Variants in TOR4A observed in about 807,000 individuals in gnomAD.
The protein encoded by TOR4A is torsin-4A.
A neutral mutation model predicts 11.5 loss-of-function variants in TOR4A; 12 were observed. The ratio of observed to expected loss-of-function variants is 1.04; its 90% CI spans 0.67 to 1.69. The LOEUF (loss-of-function observed/expected upper bound fraction) is 1.69, where lower values mean the gene tolerates loss of function less well. Among genes scored for constraint, TOR4A ranks in the 40% most tolerant of loss-of-function variants. The pLI is 0.00. For missense variants in TOR4A, 640 were observed against 643.2 expected, an observed-to-expected ratio of 0.99 and a Z score of 0.05; for synonymous variants, 362 against 307.4, an observed-to-expected ratio of 1.18 and a Z score of -1.86.
rs1830674002 is a variant in TOR4A, at chr9:137,278,645, C to T, written c.-37-8C>T. The T allele has an allele frequency of 2.3e-6, 3 of 1,281,144 alleles. No individual in the cohort carries two copies. The African/African-American group carries it at 4.7e-5, about 20-fold the overall frequency. 79.4% of individuals were successfully genotyped at this position (1,281,144 alleles called of 1,614,324 possible). On this transcript the variant is annotated splice_region_variant and splice_polypyrimidine_tract_variant and intron_variant, in intron 1 of 1. Transcript: ENST00000357503. ...AGTCCAGAGACCCTCCCCGTCTTCC[C>T]GTTGCAGGGAGGGCGACCTGTATGC...
Position 137,279,643 on chromosome 9 carries a change from G to T in TOR4A, c.954G>T (p.Ala318=), listed in dbSNP as rs747370960. The stretch of plus-strand genomic sequence containing the variant: ...TCGTGCTGCAGAACGCGTCCCGCGC[G>T]CTGCCCCTGCGCCCCGACGGCTTCC... ...TRFVLQNASR[A]LPLRPDGFRS... is the part of the protein sequence containing the mutation. The change falls in exon 2 of 2, where the codon GCG becomes GCT. Residue 318 remains alanine (A), a synonymous_variant. Transcript: ENST00000357503. 9 of 1,560,796 alleles carry T rather than the reference G, an allele frequency of 5.8e-6. No homozygotes were observed. The Admixed American group carries it at 1.3e-4, about 22-fold the overall frequency.
In TOR4A at chr9:137,278,713, G is replaced by T. The variant is rs1341419624; in HGVS notation, c.24G>T (p.Leu8=). The stretch of plus-strand genomic sequence containing the variant: ...ACATGGACCGCGGCCAGCCCAGCCT[G>T]GAGCCTGCTGCCGCGGCCCCCCGAG... MDRGQPS[L]EPAAAAPRAS... The change falls in exon 2 of 2, where the codon CTG becomes CTT. Residue 8 remains leucine (L), a synonymous_variant. Transcript: ENST00000357503. The T allele has an allele frequency of 9.4e-6, 13 of 1,377,346 alleles. No individual in the cohort carries two copies. Among genetic ancestry groups the T allele is most frequent in the Non-Finnish European group, 1.1e-5 (12 of 1,072,680 alleles). The allele number at this position is 1,377,346 out of a possible 1,614,324, so 85.3% of individuals were successfully genotyped here. A position where few individuals can be genotyped will look rare whatever the true frequency, so the allele number is the denominator to read the frequency against.
In TOR4A at chr9:137,279,367, G is replaced by T; in HGVS notation, c.678G>T (p.Ala226=). 2.6e-6 allele frequency: 4 copies of T among 1,526,066 alleles called. No individual in the cohort carries two copies. The highest frequency in any genetic ancestry group is 3.5e-6 in the Non-Finnish European group (4 of 1,139,204). The allele number at this position is 1,526,066 out of a possible 1,614,324, so 94.5% of individuals were successfully genotyped here. ...GCGCGCTCGTGCTGCAATACCATGC[G>T]CGGCACCACTGCCCCGAGGCGCGCG... ...EDSALVLQYH[A]RHHCPEARAA... is the part of the protein sequence containing the mutation. Residue 226 remains alanine, a synonymous_variant, in exon 2 of 2, where the codon GCG becomes GCT. Coordinates refer to ENST00000357503, the MANE Select transcript of TOR4A (RefSeq NM_017723.3).
Position 137,280,187 on chromosome 9 carries a change from AT to A in TOR4A, c.*228del, listed in dbSNP as rs1830698372. Reference sequence around the variant, plus strand: ...AGCCACCTCCCTCCCAAACTTGCCCATTGCCCTGCTGGGCGTCCCAGGCATG... The same window carrying A: ...AGCCACCTCCCTCCCAAACTTGCCCATGCCCTGCTGGGCGTCCCAGGCATG... On this transcript the variant is annotated 3_prime_UTR_variant, in exon 2 of 2. Transcript: ENST00000357503. The A allele has an allele frequency of 4.9e-6, 3 of 607,610 alleles. No homozygotes were observed. The South Asian group carries it at 6.7e-5, about 14-fold the overall frequency. 37.6% of individuals were successfully genotyped at this position (607,610 alleles called of 1,614,324 possible).
rs1830676042 is a variant in TOR4A, at chr9:137,278,758, C to A, written c.69C>A (p.Ile23=). The change falls in exon 2 of 2, where the codon ATC becomes ATA. Residue 23 remains isoleucine (I), a synonymous_variant. Coordinates refer to ENST00000357503, the MANE Select transcript of TOR4A (RefSeq NM_017723.3). ...AAPRASGRCV[I]APVRAVLRLR... ...CCCGAGCCTCGGGCCGGTGCGTGAT[C>A]GCGCCCGTGCGCGCTGTGCTCCGCC... 5.7e-6 allele frequency: 8 copies of A among 1,402,708 alleles called. No individual in the cohort carries two copies. Among genetic ancestry groups the A allele is most frequent in the Non-Finnish European group, 7.4e-6 (8 of 1,087,250 alleles). The allele number at this position is 1,402,708 out of a possible 1,614,324, so 86.9% of individuals were successfully genotyped here. A position where few individuals can be genotyped will look rare whatever the true frequency, so the allele number is the denominator to read the frequency against.
chr9:137,278,540 C>A, intron 1 of TOR4A, 113 bp from the exon 2 acceptor site: 1 of 745,162 alleles, frequency 1.3e-6, no homozygotes, highest in Non-Finnish European at 1.8e-6. Context: ...GCAGCCCGGG[C>A]CGCACCCCAC....
Position 137,278,889 on chromosome 9 carries a change from C to A in TOR4A, c.200C>A (p.Pro67Gln), listed in dbSNP as rs1301272936. The A allele has an allele frequency of 1.3e-6, 2 of 1,549,846 alleles. No homozygotes were observed. Among genetic ancestry groups the A allele is most frequent in the Admixed American group, 1.9e-5 (1 of 52,752 alleles). ...APRPGCSPRA[P>Q]RADLDQPKFF... is the part of the protein sequence containing the mutation. ...AGGCCGGGCTGCAGCCCCCGGGCAC[C>A]GCGCGCGGACCTGGACCAGCCAAAG... The change falls in exon 2 of 2, where the codon CCG (proline) becomes CAG (glutamine). Residue 67 changes from proline to glutamine, a missense_variant. Physicochemically the swap from Pro to Gln is moderately conservative, Grantham distance 76. Coordinates refer to ENST00000357503, the MANE Select transcript of TOR4A (RefSeq NM_017723.3).
At position 137,279,944 on chromosome 9, in the gene TOR4A, A is replaced by G; in HGVS notation, c.1255A>G (p.Thr419Ala). ...AVTGCKQVVA[T>A]VNLL ...CACCGGCTGCAAGCAGGTGGTGGCC[A>G]CGGTGAACCTCCTGTAGTGGAGGCG... Residue 419 changes from threonine (T) to alanine (A), a missense_variant, in exon 2 of 2, where the codon ACG (threonine) becomes GCG (alanine). Coordinates refer to ENST00000357503, the MANE Select transcript of TOR4A (RefSeq NM_017723.3). 6.3e-7 allele frequency: 1 copy of G among 1,579,412 alleles called. No individual in the cohort carries two copies. The highest frequency in any genetic ancestry group is 8.6e-7 in the Non-Finnish European group (1 of 1,162,778).
At chr9:137,278,562 G>T (rs936201253) in intron 1 of TOR4A, 91 bp from the exon 2 acceptor site, 5 of 954,108 alleles carry the variant, frequency 5.2e-6, no homozygotes, top group Non-Finnish European at 6.7e-6. Context: ...GGACTCCCAG[G>T]GGGTAAGATC....
In TOR4A at chr9:137,278,823, T is replaced by G; in HGVS notation, c.134T>G (p.Leu45Arg). The G allele has an allele frequency of 6.7e-7, 1 of 1,486,684 alleles. No individual in the cohort carries two copies. The allele number at this position is 1,486,684 out of a possible 1,614,324, so 92.1% of individuals were successfully genotyped here. A position where few individuals can be genotyped will look rare whatever the true frequency, so the allele number is the denominator to read the frequency against. Residue 45 changes from leucine to arginine, a missense_variant, in exon 2 of 2, where the codon CTG becomes CGG. By Grantham distance (102) the Leu-to-Arg change is moderately radical. Coordinates refer to ENST00000357503, the MANE Select transcript of TOR4A (RefSeq NM_017723.3). ...TGTGTCCTACGCAAACGGCGCCTCC[T>G]GCAGCCGGGTGGGGGGCCCGACGTC... ...RVCVLRKRRL[L>R]QPGGGPDVGT...
intron 1 of TOR4A, among the ~76,000 whole-genome samples, chr9:137,278,142 A>G (rs1032384649): frequency 2.6e-5 from 4 of 152,076 alleles, no homozygotes; most frequent in African/African-American, 4.8e-5. Context: ...TCTCAAAATC[A>G]TAAGTTCCAG....
chr9:137,279,390 G>A lies in TOR4A; in HGVS notation c.701G>A (p.Arg234His). Residue 234 changes from arginine to histidine, a missense_variant, in exon 2 of 2, where the codon CGC (arginine) becomes CAC (histidine). Transcript: ENST00000357503. ...GCGCGGCACCACTGCCCCGAGGCGC[G>A]CGCCGCACAGGACTGCCGCGAGGAG... ...YHARHHCPEA[R>H]AAQDCREELA... is the part of the protein sequence containing the mutation. 6.6e-7 allele frequency: 1 copy of A among 1,523,968 alleles called. No individual in the cohort carries two copies. The highest frequency in any genetic ancestry group is 8.8e-7 in the Non-Finnish European group (1 of 1,137,876). 94.4% of individuals were successfully genotyped at this position (1,523,968 alleles called of 1,614,324 possible).
In TOR4A at chr9:137,279,524, C is replaced by T. The variant is rs747424047; in HGVS notation, c.835C>T (p.Leu279=). ...ELMPRPLLDE[L]HGFLQPQRSH... ...CATGCCGCGGCCGCTGCTGGACGAG[C>T]TGCACGGCTTCCTGCAGCCGCAGCG... Residue 279 remains leucine (L), a synonymous_variant, in exon 2 of 2, where the codon CTG becomes TTG. Coordinates refer to ENST00000357503, the MANE Select transcript of TOR4A (RefSeq NM_017723.3). The T allele has an allele frequency of 5.7e-6, 9 of 1,587,580 alleles. No individual in the cohort carries two copies. The highest frequency in any genetic ancestry group is 7.7e-6 in the Non-Finnish European group (9 of 1,169,976).
In TOR4A at chr9:137,279,550, C is replaced by A. The variant is rs371663521; in HGVS notation, c.861C>A (p.Arg287=). The change falls in exon 2 of 2, where the codon CGC becomes CGA. Residue 287 remains arginine (R), a synonymous_variant. Transcript: ENST00000357503. ...DELHGFLQPQ[R]SHHFHNAIYV... ...TGCACGGCTTCCTGCAGCCGCAGCGCTCCCACCACTTCCACAACGCCATCT... is the reference window on the plus strand; with the variant it reads ...TGCACGGCTTCCTGCAGCCGCAGCGATCCCACCACTTCCACAACGCCATCT... 3 of 1,585,878 alleles carry A rather than the reference C, an allele frequency of 1.9e-6. No individual in the cohort carries two copies. The African/African-American group carries it at 4.0e-5, about 21-fold the overall frequency.
At position 137,277,801 on chromosome 9, in the gene TOR4A, G is replaced by A. The variant is rs1830662168; in HGVS notation, c.-144G>A. The A allele has an allele frequency of 6.6e-6, 1 of 152,262 alleles. No homozygotes were observed. Among genetic ancestry groups the A allele is most frequent in the Admixed American group, 6.5e-5 (1 of 15,288 alleles). 9.4% of individuals were successfully genotyped at this position (152,262 alleles called of 1,614,324 possible). A position where few individuals can be genotyped will look rare whatever the true frequency, so the allele number is the denominator to read the frequency against. On this transcript the variant is annotated 5_prime_UTR_variant, in exon 1 of 2. Coordinates refer to ENST00000357503, the MANE Select transcript of TOR4A (RefSeq NM_017723.3). Reference sequence around the variant, plus strand: ...GCCGAAGCTGGCCCAGGAGGCCCCTGGCCCACCCCCTCGCCCTGGGAGGCG... The same window carrying A: ...GCCGAAGCTGGCCCAGGAGGCCCCTAGCCCACCCCCTCGCCCTGGGAGGCG...
chr9:137,279,089 G>A lies in TOR4A; in HGVS notation c.400G>A (p.Val134Ile). The A allele has an allele frequency of 1.2e-6, 2 of 1,602,748 alleles. No homozygotes were observed. The highest frequency in any genetic ancestry group is 1.1e-5 in the South Asian group (1 of 89,266). Residue 134 changes from valine to isoleucine, a missense_variant, in exon 2 of 2, where the codon GTT becomes ATT. By Grantham distance (29) the Val-to-Ile change is conservative. Coordinates refer to ENST00000357503, the MANE Select transcript of TOR4A (RefSeq NM_017723.3). ...GCTAGTCGCCATCGTGGGCTTCCAA[G>A]TTCTCAACGCTATCGAGAACCTGGA... ...LLLVAIVGFQ[V>I]LNAIENLDDN...
At position 137,278,645 on chromosome 9, in the gene TOR4A, C is replaced by G; in HGVS notation, c.-37-8C>G. ...AGTCCAGAGACCCTCCCCGTCTTCC[C>G]GTTGCAGGGAGGGCGACCTGTATGC... On this transcript the variant is annotated splice_region_variant and splice_polypyrimidine_tract_variant and intron_variant, in intron 1 of 1. Coordinates refer to ENST00000357503, the MANE Select transcript of TOR4A (RefSeq NM_017723.3). The G allele has an allele frequency of 7.8e-7, 1 of 1,281,256 alleles. No individual in the cohort carries two copies. The highest frequency in any genetic ancestry group is 9.9e-7 in the Non-Finnish European group (1 of 1,013,080). The allele number at this position is 1,281,256 out of a possible 1,614,324, so 79.4% of individuals were successfully genotyped here.
chr9:137,279,399 A>G lies in TOR4A; in HGVS notation c.710A>G (p.Gln237Arg). ...RHHCPEARAA[Q>R]DCREELARRV... ...CACTGCCCCGAGGCGCGCGCCGCACAGGACTGCCGCGAGGAGCTGGCGCGG... is the reference window on the plus strand; with the variant it reads ...CACTGCCCCGAGGCGCGCGCCGCACGGGACTGCCGCGAGGAGCTGGCGCGG... Residue 237 changes from glutamine (Q) to arginine (R), a missense_variant, in exon 2 of 2, where the codon CAG (glutamine) becomes CGG (arginine). Gln to Arg is a conservative substitution (Grantham distance 43). Coordinates refer to ENST00000357503, the MANE Select transcript of TOR4A (RefSeq NM_017723.3). The G allele has an allele frequency of 1.2e-5, 19 of 1,530,026 alleles. No individual in the cohort carries two copies. Among genetic ancestry groups the G allele is most frequent in the Non-Finnish European group, 1.6e-5 (18 of 1,140,344 alleles). 94.8% of individuals were successfully genotyped at this position (1,530,026 alleles called of 1,614,324 possible). A position where few individuals can be genotyped will look rare whatever the true frequency, so the allele number is the denominator to read the frequency against.
Position 137,279,017 on chromosome 9 carries a change from CG to C in TOR4A, c.330del (p.Pro111ArgfsTer16), listed in dbSNP as rs1262459342. On this transcript the variant is annotated frameshift_variant, in exon 2 of 2. Transcript: ENST00000357503. LOFTEE classifies it high-confidence loss of function. ...VLYPETSRKY[R>X]PRVEHRSRAQ... is the part of the protein sequence containing the mutation. The stretch of plus-strand genomic sequence containing the variant: ...TTACCCGGAGACCTCGCGCAAGTAT[CG>C]GCCGCGCGTGGAGCACAGGAGCCGC... 1 of 1,604,550 alleles carries C rather than the reference CG, an allele frequency of 6.2e-7. No individual in the cohort carries two copies. Among genetic ancestry groups the C allele is most frequent in the African/African-American group, 1.3e-5 (1 of 74,740 alleles).
Sources: gnomAD v4.1 joint callset for allele counts (sites outside exome capture counted in the v4.1 genomes callset) on GRCh38, gnomAD v4.1.1 for gene constraint, MANE v1.5 for transcripts, NCBI Gene and HGNC (gene_info 2026-07-23, HGNC 2026-07-21) for gene names.